The following SPEF2 variants were observed in gnomAD, a reference collection of about 807,000 sequenced individuals.
SPEF2 encodes sperm flagellar and cilia associated 2, also known as sperm flagella and cilia-associated protein 2.
Under a neutral mutation model 224.6 loss-of-function variants are expected in SPEF2, and 187 were observed. That is an observed-to-expected ratio of 0.83 (90% CI 0.74 to 0.94). SPEF2 has a LOEUF of 0.94. Ranked by LOEUF, SPEF2 falls within the 40% of genes least tolerant of loss-of-function variation. The pLI, the probability that SPEF2 is intolerant of heterozygous loss-of-function variation, is 0.00. For synonymous variants in SPEF2, 715 were observed against 707.3 expected, an observed-to-expected ratio of 1.01 and a Z score of -0.17; for missense variants, 2,170 against 2,135.6, an observed-to-expected ratio of 1.02 and a Z score of -0.32.
chr5:35,658,006 A>G (rs1449739560), intron 7 of SPEF2, among the ~76,000 whole-genome samples: 1 of 152,226 alleles, frequency 6.6e-6, no homozygotes, highest in Middle Eastern at 3.2e-3. Context: ...TGTAGACCAG[A>G]GTAAGTTCTG....
chr5:35,795,149 A>G (rs11953960), intron 32 of SPEF2, among the ~76,000 whole-genome samples: 5,149 of 152,252 alleles, frequency 0.034, 255 homozygotes, highest in South Asian at 0.12. Context: ...GGTGTCAGTT[A>G]TACACTGAGA....
At chr5:35,788,369 T>A in intron 30 of SPEF2, 1 of 702,958 alleles carries the variant, frequency 1.4e-6, no homozygotes, top group Non-Finnish European at 2.6e-6. Flanking sequence ...AACTAAAAAA[T>A]CAGCAAGAAT....
At chr5:35,792,680 GT>G (rs1756132034) in intron 31 of SPEF2, among the ~76,000 whole-genome samples, 1 of 152,208 alleles carries the variant, frequency 6.6e-6, no homozygotes, top group Admixed American at 6.5e-5. Flanking sequence ...AGACTGTGAT[GT>G]TCAACCAGTG....
chr5:35,739,827 T>G, intron 21 of SPEF2, 92 bp from the exon 22 acceptor site: 14 of 1,468,132 alleles, frequency 9.5e-6, no homozygotes, highest in Non-Finnish European at 1.3e-5. Flanking sequence ...AGTTGCATCT[T>G]GACCTTTTTG....
chr5:35,769,237 C>G (rs1752470571), intron 26 of SPEF2, among the ~76,000 whole-genome samples: 1 of 152,052 alleles, frequency 6.6e-6, no homozygotes, highest in South Asian at 2.1e-4. Context: ...AAATTGCTAA[C>G]TTACAGTGCT....
chr5:35,716,701 G>A (rs1054814621), intron 20 of SPEF2, among the ~76,000 whole-genome samples: 2 of 152,060 alleles, frequency 1.3e-5, no homozygotes, highest in African/African-American at 2.4e-5. Context: ...TATAAATCAT[G>A]TGGTTTTGGA....
chr5:35,779,139 G>A lies in SPEF2; in HGVS notation c.4240G>A (p.Ala1414Thr), dbSNP rs904214829. The A allele has an allele frequency of 1.2e-6, 2 of 1,613,258 alleles. No homozygotes were observed. Among genetic ancestry groups the A allele is most frequent in the Non-Finnish European group, 1.7e-6 (2 of 1,179,652 alleles). Reference protein sequence around the residue: ...MASTEKLTDVARYHIETSTKI... With the variant: ...MASTEKLTDVTRYHIETSTKI... ...CAGTACAGAAAAATTAACTGACGTAGCTCGCTATCACATTGAAACATCTAC... is the reference window on the plus strand; with the variant it reads ...CAGTACAGAAAAATTAACTGACGTAACTCGCTATCACATTGAAACATCTAC... Residue 1414 changes from alanine (A) to threonine (T), a missense_variant, in exon 30 of 37, where the codon GCT (alanine) becomes ACT (threonine). Coordinates refer to ENST00000356031, the MANE Select transcript of SPEF2 (RefSeq NM_024867.4).
chr5:35,808,150 T>G, intron 36 of SPEF2: 1 of 985,782 alleles, frequency 1.0e-6, no homozygotes, highest in Non-Finnish European at 1.2e-6. Context: ...CCTGTGTGCC[T>G]AAACGTTTTT....
At chr5:35,705,966 G>T (rs1405570797) in intron 18 of SPEF2, among the ~76,000 whole-genome samples, 158 bp downstream of exon 18, 1 of 134,326 alleles carries the variant, frequency 7.4e-6, no homozygotes, top group Non-Finnish European at 1.6e-5. Flanking sequence ...GCTTTCTGTT[G>T]TATATGTTTC....
At chr5:35,712,330 A>G (rs1741325219) in intron 19 of SPEF2, among the ~76,000 whole-genome samples, 1 of 151,832 alleles carries the variant, frequency 6.6e-6, no homozygotes, top group Admixed American at 6.6e-5. Flanking sequence ...CCTGGGCTCA[A>G]GCCATCCTCT....
intron 1 of SPEF2, among the ~76,000 whole-genome samples, chr5:35,626,359 G>A (rs750562145): frequency 6.6e-5 from 10 of 152,142 alleles, no homozygotes; most frequent in Non-Finnish European, 1.0e-4. Context: ...GATAAAACTG[G>A]TCTGTTTGTG....
At chr5:35,702,593 A>G (rs536040026) in intron 16 of SPEF2, among the ~76,000 whole-genome samples, 12 of 152,308 alleles carry the variant, frequency 7.9e-5, no homozygotes, top group African/African-American at 2.9e-4. Context: ...TAATGTTTGT[A>G]TATCTGGGTG....
intron 10 of SPEF2, among the ~76,000 whole-genome samples, chr5:35,689,315 G>A (rs868266080): frequency 3.3e-5 from 5 of 151,442 alleles, no homozygotes; most frequent in African/African-American, 9.7e-5. Context: ...TTTTCTTCCC[G>A]CTTCCTGCTT....
At chr5:35,814,367 G>T in intron 36 of SPEF2, 97 bp from the exon 37 acceptor site, 1 of 568,336 alleles carries the variant, frequency 1.8e-6, no homozygotes, top group Non-Finnish European at 2.8e-6. Context: ...TTTAATGGTT[G>T]CCATGTACTA....
At chr5:35,761,772 G>A (rs1024852068) in intron 25 of SPEF2, among the ~76,000 whole-genome samples, 1 of 152,194 alleles carries the variant, frequency 6.6e-6, no homozygotes, top group South Asian at 2.1e-4. Flanking sequence ...AGTACATTCT[G>A]TTCTCAGCAC....
chr5:35,685,490 G>A (rs984256934), intron 10 of SPEF2, among the ~76,000 whole-genome samples: 7 of 152,110 alleles, frequency 4.6e-5, no homozygotes, highest in Admixed American at 1.3e-4. Context: ...ATGACATAGC[G>A]TAATTATAGA....
chr5:35,638,406 G>A (rs1022250670), intron 2 of SPEF2, among the ~76,000 whole-genome samples: 8 of 151,976 alleles, frequency 5.3e-5, no homozygotes, highest in Non-Finnish European at 1.0e-4. Context: ...CATCAACGGA[G>A]AATCCTAACC....
rs1334900201 is a variant in SPEF2, at chr5:35,793,314, C to T, written c.4710C>T (p.Gly1570=). 21 of 1,613,850 alleles carry T rather than the reference C, an allele frequency of 1.3e-5. No individual in the cohort carries two copies. The highest frequency in any genetic ancestry group is 1.8e-5 in the Non-Finnish European group (21 of 1,179,908). Residue 1570 remains glycine, a synonymous_variant, in exon 32 of 37, where the codon GGC becomes GGT. Transcript: ENST00000356031. ...AGGCTGTGGATAAGGAGCAGTTGGG[C>T]ACCATCACTTTTGAGCAGTATATGC... ...KFKAVDKEQL[G]TITFEQYMQA...
rs1419900376 is a variant in SPEF2, at chr5:35,667,142, T to C, written c.1238T>C (p.Ile413Thr). Reference protein sequence around the residue: ...FLKEKRFHDQIAVERAQARYE... With the variant: ...FLKEKRFHDQTAVERAQARYE... ...AAAGAAAAGAGATTTCATGATCAGATTGCTGTGGAAAGAGCTCAAGCTCGT... is the reference window on the plus strand; with the variant it reads ...AAAGAAAAGAGATTTCATGATCAGACTGCTGTGGAAAGAGCTCAAGCTCGT... The change falls in exon 9 of 37, where the codon ATT (isoleucine) becomes ACT (threonine). Residue 413 changes from isoleucine to threonine, a missense_variant. Coordinates refer to ENST00000356031, the MANE Select transcript of SPEF2 (RefSeq NM_024867.4). 6.2e-7 allele frequency: 1 copy of C among 1,611,946 alleles called. No homozygotes were observed. Among genetic ancestry groups the C allele is most frequent in the African/African-American group, 1.3e-5 (1 of 74,870 alleles).
Sources: gnomAD v4.1 joint callset for allele counts (sites outside exome capture counted in the v4.1 genomes callset) on GRCh38, gnomAD v4.1.1 for gene constraint, MANE v1.5 for transcripts, NCBI Gene and HGNC (gene_info 2026-07-23, HGNC 2026-07-21) for gene names.